Variants in SMYD3 observed in about 807,000 individuals in gnomAD.
The protein encoded by SMYD3 is histone-lysine N-methyltransferase SMYD3.
A neutral mutation model predicts 57.7 loss-of-function variants in SMYD3; 36 were observed. The observed-to-expected ratio is 0.62, with a 90% confidence interval of 0.48 to 0.82. The LOEUF is 0.82. Ranked by LOEUF, SMYD3 falls within the 40% of genes least tolerant of loss-of-function variation. The pLI is 0.00. For missense variants in SMYD3, 515 were observed against 538.8 expected (o/e 0.96, Z 0.44); for synonymous variants, 211 against 195.0 (o/e 1.08, Z -0.68).
chr1:245,823,559 C>A (rs12044213), intron 10 of SMYD3, among the ~76,000 whole-genome samples: 1 of 152,052 alleles, frequency 6.6e-6, no homozygotes, highest in Non-Finnish European at 1.5e-5. Context: ...GCAGGATTTA[C>A]CAAATTCAGC....
chr1:245,901,906 AG>A (rs1206356967), intron 8 of SMYD3, among the ~76,000 whole-genome samples: 1 of 152,180 alleles, frequency 6.6e-6, no homozygotes, highest in African/African-American at 2.4e-5. Flanking sequence ...AGAGCTGCTC[AG>A]CTTCACAGGC....
At chr1:245,888,749 A>G (rs962101600) in intron 8 of SMYD3, among the ~76,000 whole-genome samples, 2 of 152,228 alleles carry the variant, frequency 1.3e-5, no homozygotes, top group Non-Finnish European at 1.5e-5. Context: ...GTATGCAATC[A>G]ATAACATGCA....
At chr1:246,485,512 C>T (rs898523109) in intron 1 of SMYD3, among the ~76,000 whole-genome samples, 3 of 152,096 alleles carry the variant, frequency 2.0e-5, no homozygotes, top group Non-Finnish European at 2.9e-5. Context: ...CCAGATGCGG[C>T]GGCTCACACT....
At chr1:246,300,135 A>C (rs2064868737) in intron 5 of SMYD3, among the ~76,000 whole-genome samples, 1 of 152,146 alleles carries the variant, frequency 6.6e-6, no homozygotes, top group Non-Finnish European at 1.5e-5. Flanking sequence ...TAAAGATATA[A>C]ATGTGGACCC....
intron 5 of SMYD3, among the ~76,000 whole-genome samples, chr1:245,987,342 G>C (rs139551539): frequency 6.6e-6 from 1 of 152,270 alleles, no homozygotes; most frequent in African/African-American, 2.4e-5. Flanking sequence ...CTCTGCTGTT[G>C]ACTGATGTAG....
At chr1:246,310,756 G>A (rs1208321983) in intron 5 of SMYD3, among the ~76,000 whole-genome samples, 1 of 140,218 alleles carries the variant, frequency 7.1e-6, no homozygotes, top group Non-Finnish European at 1.5e-5. Context: ...TGCAACCTCT[G>A]CCTCCCAAGT....
chr1:246,372,185 C>T (rs1416339949), intron 1 of SMYD3, among the ~76,000 whole-genome samples: 1 of 152,178 alleles, frequency 6.6e-6, no homozygotes, highest in Non-Finnish European at 1.5e-5. Flanking sequence ...ATTAAGAGGT[C>T]AATCATCTGC....
At chr1:245,795,198 C>G (rs2047471717) in intron 10 of SMYD3, among the ~76,000 whole-genome samples, 2 of 152,194 alleles carry the variant, frequency 1.3e-5, no homozygotes, top group South Asian at 4.1e-4. Context: ...AATCCAGTCA[C>G]TGAACCAGCA....
At chr1:246,502,135 C>CTTTTTTTTT (rs56336266) in intron 1 of SMYD3, among the ~76,000 whole-genome samples, 2 of 145,914 alleles carry the variant, frequency 1.4e-5, no homozygotes, top group Non-Finnish European at 1.5e-5. Flanking sequence ...ATGCAGCTGC[C>CTTTTTTTTT]TTTTTTTTTT....
intron 5 of SMYD3, among the ~76,000 whole-genome samples, chr1:246,002,485 AT>A (rs1418274279): frequency 1.0e-4 from 6 of 60,238 alleles, no homozygotes; most frequent in Non-Finnish European, 1.5e-4. Flanking sequence ...CGCCCGGCTA[AT>A]TTTTTGTATT....
At position 245,903,626 on chromosome 1, in the gene SMYD3, G is replaced by T. The variant is rs1002743394; in HGVS notation, c.813+11904C>A. 1.5e-4 allele frequency among the ~76,000 whole-genome samples: 23 copies of T among 152,274 alleles called. 1 individual carries two copies. The East Asian group carries it at 2.3e-3, about 15-fold the overall frequency. On this transcript the variant is annotated intron_variant, in intron 8 of 11. Transcript: ENST00000490107. ...TGAATCGCCAGTGCCACCTCTCCCT[G>T]ACCCCCAGCAGTGGTGCGTGGTGAC...
intron 5 of SMYD3, among the ~76,000 whole-genome samples, chr1:246,159,435 T>C (rs112861975): frequency 1.2e-3 from 181 of 152,132 alleles, no homozygotes; most frequent in African/African-American, 4.0e-3. Context: ...TATCCGCAAA[T>C]AGTACCTTCC....
At chr1:246,468,782 A>T (rs1414933235) in intron 1 of SMYD3, among the ~76,000 whole-genome samples, 1 of 152,104 alleles carries the variant, frequency 6.6e-6, no homozygotes, top group East Asian at 1.9e-4. Flanking sequence ...TTAAGACCAG[A>T]CTAGACAACA....
intron 5 of SMYD3, among the ~76,000 whole-genome samples, chr1:245,981,907 C>T (rs1291900381): frequency 6.6e-6 from 1 of 152,224 alleles, no homozygotes; most frequent in Admixed American, 6.5e-5. Flanking sequence ...TGCATCAGGT[C>T]TTCAAACCAG....
intron 8 of SMYD3, among the ~76,000 whole-genome samples, chr1:245,914,433 A>G (rs1480068374): frequency 6.6e-6 from 1 of 152,266 alleles, no homozygotes; most frequent in Non-Finnish European, 1.5e-5. Flanking sequence ...ATGGAATATT[A>G]TTCAGTCATG....
chr1:246,492,105 G>A (rs1313225447), intron 1 of SMYD3, among the ~76,000 whole-genome samples: 1 of 152,128 alleles, frequency 6.6e-6, no homozygotes, highest in Non-Finnish European at 1.5e-5. Flanking sequence ...CTCATACATC[G>A]CTTGAGTGGA....
chr1:245,793,107 AG>A (rs2047358591), intron 10 of SMYD3, among the ~76,000 whole-genome samples: 1 of 118,934 alleles, frequency 8.4e-6, no homozygotes, highest in African/African-American at 2.9e-5. Context: ...CAGGAGATCA[AG>A]ACCATCCTGG....
rs2148549818 is a variant in SMYD3 at position 246,272,822 on chromosome 1, C to A, written c.531+54379G>T. Among the ~76,000 whole-genome samples, 2 of 152,236 alleles carry A rather than the reference C, an allele frequency of 1.3e-5. 1 individual carries two copies. The highest frequency in any genetic ancestry group is 4.8e-5 in the African/African-American group (2 of 41,538). On this transcript the variant is annotated intron_variant, in intron 5 of 11. Transcript: ENST00000490107. Reference sequence around the variant, plus strand: ...ATAATAAAAGCATTAGGAAGTATTTCTTCCTCTTCAATACTTTGGAAAAGT... The same window carrying A: ...ATAATAAAAGCATTAGGAAGTATTTATTCCTCTTCAATACTTTGGAAAAGT...
intron 1 of SMYD3, among the ~76,000 whole-genome samples, chr1:246,450,155 C>T (rs2103028310): frequency 6.6e-6 from 1 of 152,298 alleles, no homozygotes; most frequent in East Asian, 1.9e-4. Context: ...GGCGTGGCGG[C>T]ACATGCCTGT....
Sources: gnomAD v4.1 joint callset for allele counts (sites outside exome capture counted in the v4.1 genomes callset) on GRCh38, gnomAD v4.1.1 for gene constraint, MANE v1.5 for transcripts, NCBI Gene and HGNC (gene_info 2026-07-23, HGNC 2026-07-21) for gene names.